The following TMPRSS15 variants were observed in gnomAD, a reference collection of about 807,000 sequenced individuals.
TMPRSS15 encodes transmembrane serine protease 15.
TMPRSS15 carries 128 observed loss-of-function variants against 125.3 expected under a neutral mutation model. The ratio of observed to expected loss-of-function variants is 1.02; its 90% CI spans 0.89 to 1.18. TMPRSS15 has a LOEUF of 1.18. Among genes scored for constraint, TMPRSS15 ranks in the 50% most tolerant of loss-of-function variants. The probability of loss-of-function intolerance (pLI) is 0.00; values close to 1 mark genes in which losing one functional copy is unlikely to be tolerated. For synonymous variants in TMPRSS15, 446 were observed against 423.2 expected (o/e 1.05, Z -0.66); for missense variants, 1,283 against 1,212.7 (o/e 1.06, Z -0.86).
intron 1 of TMPRSS15, among the ~76,000 whole-genome samples, chr21:18,449,785 C>G (rs141480545): frequency 2.5e-4 from 38 of 152,018 alleles, no homozygotes; most frequent in African/African-American, 6.7e-4. Flanking sequence ...CACTCTCAGA[C>G]CATTTCACTA....
In TMPRSS15 at chr21:18,441,661, CATTATTATTATTATTATTATT is replaced by C. The variant is rs113071625; in HGVS notation, c.11-43353_11-43333del. ...AAAGAAGATTGTCAACTTTAGGACA[CATTATTATTATTATTATTATT>C]ATTATTATTATTATTATTATTATTT... On this transcript the variant is annotated intron_variant, in intron 1 of 7. Transcript: ENST00000422787. Among the ~76,000 whole-genome samples the C allele has an allele frequency of 3.3e-4, 44 of 134,722 alleles. 2 individuals carry two copies. The South Asian group carries it at 9.2e-3, about 28-fold the overall frequency. 88.4% of individuals were successfully genotyped at this position (134,722 alleles called of 152,430 possible). A position where few individuals can be genotyped will look rare whatever the true frequency, so the allele number is the denominator to read the frequency against.
chr21:18,418,576 C>T (rs1285873983), intron 1 of TMPRSS15, among the ~76,000 whole-genome samples: 1 of 152,114 alleles, frequency 6.6e-6, no homozygotes, highest in African/African-American at 2.4e-5. Context: ...ATGTTACCCC[C>T]CCAATCATCT....
At chr21:18,309,423 A>G (rs1282171272) in intron 18 of TMPRSS15, among the ~76,000 whole-genome samples, 1 of 152,220 alleles carries the variant, frequency 6.6e-6, no homozygotes. Context: ...TAATTAAACT[A>G]AAGATCTTCT....
intron 18 of TMPRSS15, among the ~76,000 whole-genome samples, chr21:18,304,840 T>C (rs1378682489): frequency 6.6e-6 from 1 of 152,196 alleles, no homozygotes; most frequent in Non-Finnish European, 1.5e-5. Flanking sequence ...CTGTGTGTTT[T>C]AGTTTATATA....
intron 19 of TMPRSS15, among the ~76,000 whole-genome samples, chr21:18,297,073 A>G (rs2074916096): frequency 6.6e-6 from 1 of 152,200 alleles, no homozygotes; most frequent in Non-Finnish European, 1.5e-5. Flanking sequence ...ATGGAACTGT[A>G]AAATTCAGAA....
intron 1 of TMPRSS15, among the ~76,000 whole-genome samples, chr21:18,440,510 C>T (rs183351208): frequency 2.7e-3 from 403 of 151,606 alleles, no homozygotes; most frequent in African/African-American, 8.8e-3. Context: ...TTTCATAAAT[C>T]GATGTGTATC....
intron 1 of TMPRSS15, among the ~76,000 whole-genome samples, chr21:18,461,865 A>G (rs1978557464): frequency 6.6e-6 from 1 of 152,172 alleles, no homozygotes; most frequent in South Asian, 2.1e-4. Context: ...TAAAATAGGC[A>G]CAATCTTCCT....
intron 21 of TMPRSS15, 98 bp from the exon 22 acceptor site, chr21:18,281,319 T>C: frequency 9.8e-7 from 1 of 1,024,562 alleles, no homozygotes; most frequent in East Asian, 2.4e-5. Context: ...GTTTCTATCC[T>C]GAAATGTTCT....
At chr21:18,328,988 C>T (rs940468281) in intron 15 of TMPRSS15, among the ~76,000 whole-genome samples, 181 bp downstream of exon 15, 8 of 152,108 alleles carry the variant, frequency 5.3e-5, no homozygotes, top group Admixed American at 1.3e-4. Flanking sequence ...AAAAATATTC[C>T]GTTGTCACTA....
At chr21:18,485,507 G>A (rs1259779710) in intron 1 of TMPRSS15, among the ~76,000 whole-genome samples, 1 of 151,852 alleles carries the variant, frequency 6.6e-6, no homozygotes, top group East Asian at 1.9e-4. Context: ...TTTTTGCTAA[G>A]TAATCTTTTT....
chr21:18,341,691 A>T (rs1238824887), intron 12 of TMPRSS15, 143 bp from the exon 13 acceptor site: 1 of 933,832 alleles, frequency 1.1e-6, no homozygotes, highest in African/African-American at 1.6e-5. Context: ...GTTACTACAT[A>T]GTGAAATCTT....
At chr21:18,471,427 A>G (rs1978778156) in intron 1 of TMPRSS15, among the ~76,000 whole-genome samples, 1 of 151,662 alleles carries the variant, frequency 6.6e-6, no homozygotes, top group Admixed American at 6.6e-5. Flanking sequence ...GTAACTATTT[A>G]TTGTTGTAAT....
intron 1 of TMPRSS15, among the ~76,000 whole-genome samples, chr21:18,449,879 A>G (rs73198342): frequency 0.11 from 579 of 5,198 alleles, 2 homozygotes; most frequent in East Asian, 0.49. Context: ...ACACACACGC[A>G]CACACACACA....
At chr21:18,288,829 C>T (rs2074798978) in intron 21 of TMPRSS15, among the ~76,000 whole-genome samples, 1 of 151,236 alleles carries the variant, frequency 6.6e-6, no homozygotes, top group African/African-American at 2.4e-5. Context: ...AGCCACCACA[C>T]CCGGCCGCTC....
intron 3 of TMPRSS15, among the ~76,000 whole-genome samples, chr21:18,391,644 G>A (rs530506168): frequency 2.0e-5 from 3 of 152,176 alleles, no homozygotes; most frequent in South Asian, 2.1e-4. Flanking sequence ...CCAGGCACAC[G>A]GTGTGAGATG....
rs771596993 is a variant in TMPRSS15, at chr21:18,359,875, G to T, written c.774-12C>A. On this transcript the variant is annotated splice_polypyrimidine_tract_variant and intron_variant, in intron 7 of 24. Coordinates refer to ENST00000284885, the MANE Select transcript of TMPRSS15 (RefSeq NM_002772.3). The stretch of plus-strand genomic sequence containing the variant: ...GTCCTTGGTTTACACTAAATTAAAA[G>T]CAAAAAATAGATTACCAAATTTTTA... The T allele has an allele frequency of 4.6e-6, 6 of 1,290,366 alleles. No individual in the cohort carries two copies. Among genetic ancestry groups the T allele is most frequent in the Non-Finnish European group, 6.7e-6 (6 of 889,694 alleles). The allele number at this position is 1,290,366 out of a possible 1,614,324, so 79.9% of individuals were successfully genotyped here.
At chr21:18,282,570 T>C (rs1349751578) in intron 21 of TMPRSS15, among the ~76,000 whole-genome samples, 2 of 152,338 alleles carry the variant, frequency 1.3e-5, no homozygotes, top group East Asian at 3.9e-4. Context: ...GTAGCAGTCA[T>C]CAGTAAAGCC....
chr21:18,408,496 G>A (rs2076158045), upstream of TMPRSS15, among the ~76,000 whole-genome samples: 1 of 152,082 alleles, frequency 6.6e-6, no homozygotes, highest in African/African-American at 2.4e-5. Context: ...CAGTGCCATA[G>A]TCAATGAACA....
At chr21:18,385,943 C>T (rs540629324) in intron 3 of TMPRSS15, among the ~76,000 whole-genome samples, 2 of 152,184 alleles carry the variant, frequency 1.3e-5, no homozygotes, top group South Asian at 4.2e-4. Flanking sequence ...TGGGGTTTCA[C>T]CATGTTGGCC....
Sources: gnomAD v4.1 joint callset for allele counts (sites outside exome capture counted in the v4.1 genomes callset) on GRCh38, gnomAD v4.1.1 for gene constraint, MANE v1.5 for transcripts, NCBI Gene and HGNC (gene_info 2026-07-23, HGNC 2026-07-21) for gene names.